Variants in ITGA2 observed in about 807,000 individuals in gnomAD.
ITGA2 encodes the protein integrin subunit alpha 2.
ITGA2 carries 101 observed loss-of-function variants against 146.3 expected under a neutral mutation model. The ratio of observed to expected loss-of-function variants is 0.69; its 90% CI spans 0.59 to 0.81. ITGA2 has a LOEUF of 0.81. Among genes scored for constraint, ITGA2 ranks in the 40% least tolerant of loss-of-function variants. ITGA2 has a pLI of 0.00. For synonymous variants in ITGA2, 477 were observed against 487.1 expected (o/e 0.98, Z 0.27); for missense variants, 1,281 against 1,402.7 (o/e 0.91, Z 1.39).
intron 28 of ITGA2, 68 bp downstream of exon 28, chr5:53,087,109 G>C (rs1746194984): frequency 9.5e-7 from 1 of 1,049,834 alleles, no homozygotes; most frequent in Non-Finnish European, 1.5e-6. Flanking sequence ...TAAAAGCCTG[G>C]GATAGTCACT....
chr5:53,075,163 G>C, intron 22 of ITGA2, 26 bp downstream of exon 22: 1 of 1,603,786 alleles, frequency 6.2e-7, no homozygotes, highest in South Asian at 1.1e-5. Context: ...GTCATGAATG[G>C]AATGATGGAT....
At chr5:53,082,180 A>C (rs146617139) in intron 26 of ITGA2, among the ~76,000 whole-genome samples, 16 of 152,286 alleles carry the variant, frequency 1.1e-4, no homozygotes, top group African/African-American at 3.6e-4. Context: ...TCCTGTTCTC[A>C]AGCTATGCCT....
intron 11 of ITGA2, 59 bp downstream of exon 11, chr5:53,060,071 T>G: frequency 1.9e-6 from 3 of 1,572,692 alleles, no homozygotes; most frequent in Non-Finnish European, 8.7e-7. Flanking sequence ...AAACCAGCTC[T>G]TTGTTGAATC....
chr5:53,089,923 C>A, intron 28 of ITGA2, 23 bp from the exon 29 acceptor site: 2 of 1,402,790 alleles, frequency 1.4e-6, no homozygotes, highest in Non-Finnish European at 2.0e-6. Context: ...TAAAATAACT[C>A]AACTGTGAAC....
Position 52,992,265 on chromosome 5 carries a change from T to C in ITGA2, c.64+2733T>C, listed in dbSNP as rs148533716. Among the ~76,000 whole-genome samples the C allele has an allele frequency of 2.6e-5, 4 of 152,260 alleles. No homozygotes were observed. In the East Asian group the frequency reaches 7.7e-4, roughly 29 times the overall value. On this transcript the variant is annotated intron_variant, in intron 1 of 29. Coordinates refer to ENST00000296585, the MANE Select transcript of ITGA2 (RefSeq NM_002203.4). The stretch of plus-strand genomic sequence containing the variant: ...TCCCGTCATCTCCTTCACAGGCTCT[T>C]TCCTTGTTGGTGTTTGCAGAGTTTC...
chr5:53,065,193 A>G (rs1424563460), intron 14 of ITGA2, 78 bp downstream of exon 14: 1 of 1,370,844 alleles, frequency 7.3e-7, no homozygotes, highest in Non-Finnish European at 1.0e-6. Flanking sequence ...CATGTAAACC[A>G]TGCAATCCGT....
chr5:53,089,683 T>C (rs565488732), intron 28 of ITGA2, among the ~76,000 whole-genome samples: 1 of 152,296 alleles, frequency 6.6e-6, no homozygotes, highest in African/African-American at 2.4e-5. Flanking sequence ...GCATCTGAGA[T>C]TGTCAGGCAT....
chr5:53,028,606 C>G (rs1227907898), intron 2 of ITGA2, among the ~76,000 whole-genome samples: 8 of 152,032 alleles, frequency 5.3e-5, no homozygotes, highest in African/African-American at 1.7e-4. Context: ...AATATTCAGC[C>G]CTAATTTTTT....
chr5:53,033,547 C>T (rs775529343), intron 2 of ITGA2, among the ~76,000 whole-genome samples: 1 of 151,966 alleles, frequency 6.6e-6, no homozygotes, highest in Non-Finnish European at 1.5e-5. Context: ...TTTAACATGC[C>T]AACTTCATTT....
chr5:53,040,459 C>G (rs944158245), intron 2 of ITGA2, among the ~76,000 whole-genome samples: 4 of 152,188 alleles, frequency 2.6e-5, no homozygotes, highest in African/African-American at 9.6e-5. Flanking sequence ...TGCTCAAACA[C>G]GCGTTCCAAT....
chr5:53,002,524 T>C (rs1219988314), intron 1 of ITGA2, among the ~76,000 whole-genome samples: 2 of 152,196 alleles, frequency 1.3e-5, no homozygotes, highest in Non-Finnish European at 1.5e-5. Context: ...ATATTTTGTA[T>C]ATACTTTTCC....
intron 9 of ITGA2, among the ~76,000 whole-genome samples, chr5:53,056,826 GAAAA>G (rs1004713860): frequency 2.8e-5 from 4 of 145,200 alleles, no homozygotes; most frequent in African/African-American, 5.0e-5. Context: ...TTGGTTAAAA[GAAAA>G]AAAAAACACA....
intron 2 of ITGA2, among the ~76,000 whole-genome samples, chr5:53,040,746 T>C (rs544219627): frequency 6.6e-6 from 1 of 152,294 alleles, no homozygotes; most frequent in African/African-American, 2.4e-5. Context: ...GGAGAGAACT[T>C]ATTAATGAAC....
chr5:53,067,341 G>A (rs1745196041), intron 16 of ITGA2, 84 bp downstream of exon 16: 2 of 1,487,818 alleles, frequency 1.3e-6, no homozygotes, highest in Non-Finnish European at 1.9e-6. Flanking sequence ...TGGTTTGTAG[G>A]CCAAGAGAAA....
intron 13 of ITGA2, 27 bp downstream of exon 13, chr5:53,062,956 T>C: frequency 6.4e-7 from 1 of 1,564,224 alleles, no homozygotes; most frequent in Non-Finnish European, 8.8e-7. Context: ...AAACTAATAG[T>C]TTAATTTGCT....
intron 1 of ITGA2, among the ~76,000 whole-genome samples, chr5:53,009,230 T>C (rs1448280688): frequency 2.0e-5 from 3 of 152,168 alleles, no homozygotes; most frequent in African/African-American, 7.2e-5. Context: ...ATACCCATTG[T>C]ATTAAGTTGA....
Position 53,034,030 on chromosome 5 carries a change from G to A in ITGA2, c.185+7162G>A, listed in dbSNP as rs371299394. ...TCCCATCTCAGCCTCCCAAAGTGCT[G>A]GGATTACAGGCGTGAGCCACCGAGC... On this transcript the variant is annotated intron_variant, in intron 2 of 29. Coordinates refer to ENST00000296585, the MANE Select transcript of ITGA2 (RefSeq NM_002203.4). Among the ~76,000 whole-genome samples, 4 of 151,912 alleles carry A rather than the reference G, an allele frequency of 2.6e-5. 1 individual carries two copies. Among genetic ancestry groups the A allele is most frequent in the Admixed American group, 1.3e-4 (2 of 15,238 alleles).
At chr5:53,019,093 C>T (rs1024810207) in intron 1 of ITGA2, among the ~76,000 whole-genome samples, 6 of 144,852 alleles carry the variant, frequency 4.1e-5, no homozygotes, top group Admixed American at 2.7e-4. Context: ...AATAAATAAA[C>T]GTCAAATAAA....
chr5:53,074,123 A>AT (rs1487190466), intron 20 of ITGA2, among the ~76,000 whole-genome samples: 10 of 151,806 alleles, frequency 6.6e-5, no homozygotes, highest in African/African-American at 9.7e-5. Flanking sequence ...AAAAACTATC[A>AT]TTTTTTTCTG....
Sources: allele counts gnomAD v4.1 joint callset (sites outside exome capture counted in the v4.1 genomes callset), GRCh38; gene constraint gnomAD v4.1.1; transcripts MANE v1.5; gene names NCBI Gene and HGNC (gene_info 2026-07-23, HGNC 2026-07-21).